COL20A1: variants seen among roughly 807,000 people sequenced by gnomAD.
The protein encoded by COL20A1 is collagen alpha-1(XX) chain.
In COL20A1, 164 loss-of-function variants were observed where a neutral mutation model predicts 152.9. The observed-to-expected ratio is 1.07, with a 90% CI of 0.94 to 1.22. COL20A1 has a LOEUF of 1.22. Ranked by LOEUF, COL20A1 falls within the 50% of genes most tolerant of loss-of-function variation. COL20A1 has a pLI of 0.00. For missense variants in COL20A1, 1,873 were observed against 1,744.8 expected, an observed-to-expected ratio of 1.07 and a Z score of -1.31; for synonymous variants, 864 against 756.0, an observed-to-expected ratio of 1.14 and a Z score of -2.34.
At chr20:63,293,393 C>T (rs1188104643) in intron 1 of COL20A1, 118 bp downstream of exon 1, 1 of 152,234 alleles carries the variant, frequency 6.6e-6, no homozygotes, top group African/African-American at 2.4e-5. Context: ...GGCCAAGTGC[C>T]CCTGTGAGCC....
chr20:63,310,857 C>T (rs2067995770), intron 11 of COL20A1, among the ~76,000 whole-genome samples: 1 of 152,108 alleles, frequency 6.6e-6, no homozygotes. Context: ...TGCCATGAGC[C>T]CGTCTGTAAT....
rs2067929143 is a variant in COL20A1, at chr20:63,306,606, G to A, written c.496+567G>A. ...CCCTGCCCAGCCGGCCCCAGGCGTG[G>A]AGAGGTAGAGCCACACCAGGACAGA... On this transcript the variant is annotated intron_variant, in intron 5 of 35. Transcript: ENST00000358894. The surrounding 1 kb of genome is among the most constrained non-coding windows in gnomAD (Gnocchi z 6.9). Among the ~76,000 whole-genome samples the A allele has an allele frequency of 6.6e-6, 1 of 150,706 alleles. No homozygotes were observed. The highest frequency in any genetic ancestry group is 1.5e-5 in the Non-Finnish European group (1 of 68,008).
At position 63,311,483 on chromosome 20, in the gene COL20A1, C is replaced by G; in HGVS notation, c.1483C>G (p.His495Asp). 3 of 1,578,794 alleles carry G rather than the reference C, an allele frequency of 1.9e-6. No homozygotes were observed. The highest frequency in any genetic ancestry group is 2.6e-6 in the Non-Finnish European group (3 of 1,162,896). ...CTGGCAGCCCTCGGCCGGGGCCACC[C>G]ACTACCTGGTGCGATGTTCTCCTGC... ...LTWQPSAGAT[H>D]YLVRCSPASP... Residue 495 changes from histidine to aspartate, a missense_variant, in exon 12 of 36, where the codon CAC becomes GAC. By Grantham distance (81) the His-to-Asp change is moderately conservative (BLOSUM62 -1). Coordinates refer to ENST00000358894, the MANE Select transcript of COL20A1 (RefSeq NM_020882.4). This position sits in a 1 kb window ranked among gnomAD's most constrained non-coding sequence, Gnocchi z 4.4.
chr20:63,329,722 C>T, intron 35 of COL20A1, 61 bp downstream of exon 35: 1 of 1,223,658 alleles, frequency 8.2e-7, no homozygotes, highest in Non-Finnish European at 1.1e-6. Context: ...AGGAGGAGCT[C>T]CTGAGGGGCC....
In COL20A1 at chr20:63,325,677, G is replaced by T; in HGVS notation, c.3358G>T (p.Gly1120Cys). 1 of 1,610,468 alleles carries T rather than the reference G, an allele frequency of 6.2e-7. No homozygotes were observed. Among genetic ancestry groups the T allele is most frequent in the Non-Finnish European group, 8.5e-7 (1 of 1,179,196 alleles). Residue 1120 changes from glycine (G) to cysteine (C), a missense_variant, in exon 29 of 36, where the codon GGC (glycine) becomes TGC (cysteine). Transcript: ENST00000358894. ...CTCTGTTCTCTCCCAGGGCCACCCC[G>T]GCCACCAGGGCATCCCCGGGAGAGT... Reference protein sequence around the residue: ...HGLPGLQGHPGHQGIPGRVGL... With the variant: ...HGLPGLQGHPCHQGIPGRVGL...
Position 63,312,457 on chromosome 20 carries a change from G to A in COL20A1, c.1841G>A (p.Gly614Glu), listed in dbSNP as rs199662662. The change falls in exon 15 of 36, where the codon GGG becomes GAG. Residue 614 changes from glycine to glutamate, a missense_variant. Coordinates refer to ENST00000358894, the MANE Select transcript of COL20A1 (RefSeq NM_020882.4). ...APGNATSATLGPLSSSTTYTV... is the reference protein window; with the variant it reads ...APGNATSATLEPLSSSTTYTV... Reference sequence around the variant, plus strand: ...GGGAACGCCACCTCGGCCACGCTGGGGCCTCTCTCTTCCTCCACCACCTAC... The same window carrying A: ...GGGAACGCCACCTCGGCCACGCTGGAGCCTCTCTCTTCCTCCACCACCTAC... 117 of 1,606,756 alleles carry A rather than the reference G, an allele frequency of 7.3e-5. No homozygotes were observed. The African/African-American group carries it at 1.4e-3, about 19-fold the overall frequency.
rs1247657255 is a variant in COL20A1 at position 63,329,520 on chromosome 20, C to CCGT, written c.3782-63_3782-61dup. 21 of 1,286,576 alleles carry CCGT rather than the reference C, an allele frequency of 1.6e-5. No homozygotes were observed. In the Admixed American group the frequency reaches 3.9e-4, roughly 24 times the overall value. The allele number at this position is 1,286,576 out of a possible 1,614,324, so 79.7% of individuals were successfully genotyped here. ...GGAGGGGCCCTGACACCCTCTGTCC[C>CCGT]CGTCAGAACAGGGCCCCAAGCCACT... On this transcript the variant is annotated intron_variant, in intron 34 of 35. Coordinates refer to ENST00000358894, the MANE Select transcript of COL20A1 (RefSeq NM_020882.4).
rs775571679 is a variant in COL20A1 at position 63,333,701 on chromosome 20, G to T, written c.*2985G>T. The T allele has an allele frequency of 6.6e-6, 1 of 151,344 alleles. No individual in the cohort carries two copies. The highest frequency in any genetic ancestry group is 6.6e-5 in the Admixed American group (1 of 15,100). 9.4% of individuals were successfully genotyped at this position (151,344 alleles called of 1,614,324 possible). On this transcript the variant is annotated 3_prime_UTR_variant, in exon 36 of 36. Transcript: ENST00000358894. ...GAGGAATGTGTAGCAGGAGGCAGGG[G>T]GTGCTGTGCCCGCAGGACCAGCAGG...
intron 8 of COL20A1, 150 bp from the exon 9 acceptor site, chr20:63,309,183 C>T (rs6062884): frequency 0.15 from 79,831 of 526,916 alleles, 7,517 homozygotes; most frequent in Non-Finnish European, 0.19. Flanking sequence ...CCCTCGGGAG[C>T]GCCTGGCCCA....
chr20:63,324,318 T>C (rs2068211771), intron 27 of COL20A1: 1 of 152,244 alleles, frequency 6.6e-6, no homozygotes, highest in African/African-American at 2.4e-5. Context: ...TTTCTTTTTC[T>C]TGTCTAATGG....
intron 26 of COL20A1, 27 bp from the exon 27 acceptor site, chr20:63,322,031 G>C (rs1438823288): frequency 6.6e-7 from 1 of 1,510,170 alleles, no homozygotes; most frequent in Non-Finnish European, 8.8e-7. Flanking sequence ...TAGTTCTGGG[G>C]GCTTAGCCCT....
Position 63,328,413 on chromosome 20 carries a change from T to TGGGGTCCCCTGGCACC in COL20A1, c.3697_3698insGGGTCCCCTGGCACCG (p.Glu1233GlyfsTer31). On this transcript the variant is annotated frameshift_variant, in exon 34 of 36. Coordinates refer to ENST00000358894, the MANE Select transcript of COL20A1 (RefSeq NM_020882.4). LOFTEE classifies it high-confidence loss of function. The stretch of plus-strand genomic sequence containing the variant: ...TGGAGCAGAAGCTGGAGCCGGGCAC[T>TGGGGTCCCCTGGCACC]GAGCCCCTGGGGTCCCCTGGCACCC... The TGGGGTCCCCTGGCACC allele has an allele frequency of 6.2e-7, 1 of 1,612,590 alleles. No homozygotes were observed. Among genetic ancestry groups the TGGGGTCCCCTGGCACC allele is most frequent in the Non-Finnish European group, 8.5e-7 (1 of 1,179,636 alleles).
At chr20:63,312,334 C>T (rs1568775823) in intron 14 of COL20A1, 86 bp from the exon 15 acceptor site, 2 of 1,390,610 alleles carry the variant, frequency 1.4e-6, no homozygotes, top group South Asian at 1.5e-5. Context: ...GTAGTCCTGG[C>T]TGCAGGTGCT....
Position 63,305,888 on chromosome 20 carries a change from T to C in COL20A1, c.345T>C (p.Asp115=), listed in dbSNP as rs1443755153. The C allele has an allele frequency of 1.3e-5, 21 of 1,612,954 alleles. 1 individual carries two copies. In the Admixed American group the frequency reaches 3.5e-4, roughly 27 times the overall value. ...CTTTGTGTCTCCCTGCAGTTGAGGATCTGAAGAGTAGCTCCCTGGACAGGA... is the reference window on the plus strand; with the variant it reads ...CTTTGTGTCTCCCTGCAGTTGAGGACCTGAAGAGTAGCTCCCTGGACAGGA... ...LLARREFVIE[D]LKSSSLDRSS... is the part of the protein sequence containing the mutation. The change falls in exon 5 of 36, where the codon GAT becomes GAC. Residue 115 remains aspartate, a synonymous_variant. Coordinates refer to ENST00000358894, the MANE Select transcript of COL20A1 (RefSeq NM_020882.4). The surrounding 1 kb of genome is among the most constrained non-coding windows in gnomAD (Gnocchi z 4.9).
At chr20:63,314,852 C>T (rs1262154465) in intron 19 of COL20A1, among the ~76,000 whole-genome samples, 1 of 135,096 alleles carries the variant, frequency 7.4e-6, no homozygotes, top group African/African-American at 2.8e-5. Context: ...CAGGCATCTC[C>T]CTGGACCCCA....
intron 34 of COL20A1, chr20:63,329,144 C>T (rs1667884889): frequency 1.6e-5 from 3 of 191,380 alleles, no homozygotes; most frequent in Admixed American, 1.1e-4. Context: ...GAATCCCACC[C>T]CTCATCCCAC....
intron 20 of COL20A1, among the ~76,000 whole-genome samples, chr20:63,315,843 C>G (rs762299840): frequency 2.0e-5 from 3 of 152,220 alleles, no homozygotes; most frequent in Non-Finnish European, 4.4e-5. Context: ...CAGGGACTGC[C>G]TACTTGAAAC....
In COL20A1 at chr20:63,328,404, G is replaced by A. The variant is rs2068284771; in HGVS notation, c.3687G>A (p.Glu1229=). The change falls in exon 34 of 36, where the codon GAG becomes GAA. Residue 1229 remains glutamate, a synonymous_variant. Transcript: ENST00000358894. ...PPMPILEQKL[E]PGTEPLGSPG... Reference sequence around the variant, plus strand: ...TGCCCATCTTGGAGCAGAAGCTGGAGCCGGGCACTGAGCCCCTGGGGTCCC... The same window carrying A: ...TGCCCATCTTGGAGCAGAAGCTGGAACCGGGCACTGAGCCCCTGGGGTCCC... 1.2e-6 allele frequency: 2 copies of A among 1,612,632 alleles called. No homozygotes were observed. Among genetic ancestry groups the A allele is most frequent in the Non-Finnish European group, 1.7e-6 (2 of 1,179,662 alleles).
Position 63,308,094 on chromosome 20 carries a change from C to A in COL20A1, c.775+4C>A. On this transcript the variant is annotated splice_donor_region_variant and intron_variant, in intron 7 of 35. Coordinates refer to ENST00000358894, the MANE Select transcript of COL20A1 (RefSeq NM_020882.4). ...AAGGGGGGGAACACGTTCACAGGTA[C>A]GGCCCAGGCCTGCCCCTCCCTCTGT... is the stretch of plus-strand genomic sequence containing the variant. The A allele has an allele frequency of 6.2e-7, 1 of 1,600,936 alleles. No homozygotes were observed. Among genetic ancestry groups the A allele is most frequent in the Non-Finnish European group, 8.5e-7 (1 of 1,179,190 alleles).
Sources: allele counts gnomAD v4.1 joint callset (sites outside exome capture counted in the v4.1 genomes callset), GRCh38; gene constraint gnomAD v4.1.1; non-coding constraint Gnocchi (gnomAD v3.1); transcripts MANE v1.5; gene names NCBI Gene and HGNC (gene_info 2026-07-23, HGNC 2026-07-21).